Variants in CTNNA3 observed in about 807,000 individuals in gnomAD.
CTNNA3 encodes catenin alpha-3.
In CTNNA3, 76 loss-of-function variants were observed where a neutral mutation model predicts 95.7. That is an observed-to-expected ratio of 0.79 (90% CI 0.66 to 0.96). The LOEUF (loss-of-function observed/expected upper bound fraction) is 0.96. Among genes scored for constraint, CTNNA3 ranks in the 40% least tolerant of loss-of-function variants. The pLI is 0.00. For missense variants in CTNNA3, 1,191 were observed against 1,089.8 expected, an observed-to-expected ratio of 1.09 and a Z score of -1.31; for synonymous variants, 431 against 374.4, an observed-to-expected ratio of 1.15 and a Z score of -1.74.
chr10:67,264,530 C>T (rs1474724698), intron 5 of CTNNA3, among the ~76,000 whole-genome samples: 1 of 152,128 alleles, frequency 6.6e-6, no homozygotes, highest in Non-Finnish European at 1.5e-5. Flanking sequence ...ATTCAAATCA[C>T]TGCCTCCAAA....
upstream of CTNNA3, among the ~76,000 whole-genome samples, chr10:67,699,904 C>A (rs568882394): frequency 6.6e-6 from 1 of 152,200 alleles, no homozygotes; most frequent in Non-Finnish European, 1.5e-5. Context: ...CCTGGAAAAT[C>A]GGGTCACTCC....
At chr10:67,082,914 A>G (rs555384780) in intron 7 of CTNNA3, among the ~76,000 whole-genome samples, 9 of 152,252 alleles carry the variant, frequency 5.9e-5, no homozygotes, top group African/African-American at 2.2e-4. Flanking sequence ...CCCACCTCCT[A>G]TATTAACTAC....
At chr10:66,702,732 AAGTAGTAGT>A (rs3055636) in intron 9 of CTNNA3, among the ~76,000 whole-genome samples, 1 of 134,324 alleles carries the variant, frequency 7.4e-6, no homozygotes, top group African/African-American at 2.9e-5. Context: ...AAAAAAGAAT[AAGTAGTAGT>A]AGTAGTAGTA....
intron 10 of CTNNA3, among the ~76,000 whole-genome samples, chr10:66,591,446 G>A (rs996508198): frequency 6.6e-6 from 1 of 152,070 alleles, no homozygotes; most frequent in South Asian, 2.1e-4. Context: ...CAGCCTGAAG[G>A]CAACATGAGA....
chr10:66,694,855 T>C (rs1847698368), intron 9 of CTNNA3, among the ~76,000 whole-genome samples: 1 of 152,140 alleles, frequency 6.6e-6, no homozygotes. Context: ...AAATGGAAAA[T>C]GCCATTTTTA....
chr10:66,492,835 C>T (rs185888068), intron 11 of CTNNA3, among the ~76,000 whole-genome samples: 86 of 152,210 alleles, frequency 5.7e-4, no homozygotes, highest in Middle Eastern at 3.4e-3. Context: ...TATACTCCAT[C>T]TAGTTTAAAG....
chr10:66,821,365 T>C (rs765729769), intron 7 of CTNNA3, among the ~76,000 whole-genome samples: 11 of 152,252 alleles, frequency 7.2e-5, no homozygotes, highest in African/African-American at 1.2e-4. Flanking sequence ...ATTCTGGCTA[T>C]AAATATCTCA....
rs943990420 is a variant in CTNNA3 at position 66,608,931 on chromosome 10, T to C, written c.1374+12761A>G. 7.2e-5 allele frequency among the ~76,000 whole-genome samples: 11 copies of C among 151,852 alleles called. 1 individual carries two copies. Among genetic ancestry groups the C allele is most frequent in the Non-Finnish European group, 1.5e-4 (10 of 67,954 alleles). On this transcript the variant is annotated intron_variant, in intron 10 of 17. Transcript: ENST00000433211. ...AAGCAATTACAACAAAAGAAAAAAT[T>C]GACAATTGGGATATAATTAAACTAA... is the stretch of plus-strand genomic sequence containing the variant.
chr10:66,184,841 A>G (rs761931733), intron 13 of CTNNA3, among the ~76,000 whole-genome samples: 21 of 152,178 alleles, frequency 1.4e-4, no homozygotes, highest in Non-Finnish European at 2.5e-4. Flanking sequence ...TCCTAACTAC[A>G]TAAGTATTAT....
chr10:66,951,416 C>T (rs1335286691), intron 7 of CTNNA3, among the ~76,000 whole-genome samples: 1 of 152,108 alleles, frequency 6.6e-6, no homozygotes, highest in African/African-American at 2.4e-5. Flanking sequence ...ATGCCCAGCC[C>T]AACACCATAT....
chr10:67,428,074 C>A (rs1045339852), intron 5 of CTNNA3, among the ~76,000 whole-genome samples: 1 of 151,854 alleles, frequency 6.6e-6, no homozygotes, highest in African/African-American at 2.4e-5. Context: ...AAAATAGGAC[C>A]CAATTTTAAA....
intron 15 of CTNNA3, among the ~76,000 whole-genome samples, chr10:66,040,067 C>T (rs2079653792): frequency 6.6e-6 from 1 of 151,994 alleles, no homozygotes; most frequent in Admixed American, 6.6e-5. Flanking sequence ...AGGCAAAGGA[C>T]ATGAACAGAC....
intron 5 of CTNNA3, among the ~76,000 whole-genome samples, chr10:67,491,440 G>T (rs138050757): frequency 1.3e-5 from 2 of 152,226 alleles, no homozygotes; most frequent in African/African-American, 2.4e-5. Flanking sequence ...AAATCCTTTC[G>T]AAACACCATA....
chr10:66,633,616 C>T (rs1845230409), intron 9 of CTNNA3, among the ~76,000 whole-genome samples: 1 of 151,920 alleles, frequency 6.6e-6, no homozygotes, highest in African/African-American at 2.4e-5. Flanking sequence ...GAAGGCAGAG[C>T]TTGCAGTGAG....
At chr10:67,691,206 C>T (rs1840844189) in intron 1 of CTNNA3, among the ~76,000 whole-genome samples, 3 of 152,280 alleles carry the variant, frequency 2.0e-5, no homozygotes, top group East Asian at 3.9e-4. Flanking sequence ...CAATGGTGCC[C>T]AGGCTGGAGT....
At chr10:67,750,268 C>G (rs1181280399) in intron 1 of CTNNA3, 3 of 1,511,088 alleles carry the variant, frequency 2.0e-6, no homozygotes, top group Non-Finnish European at 2.8e-6. Flanking sequence ...CACTCAGAAT[C>G]ATTTCTGCAC....
chr10:67,277,187 A>G (rs530210651), intron 5 of CTNNA3, among the ~76,000 whole-genome samples: 17 of 152,296 alleles, frequency 1.1e-4, no homozygotes, highest in Middle Eastern at 3.4e-3. Context: ...TTAAACTCAT[A>G]ATCCTACATA....
chr10:66,242,999 A>G (rs1175609223), intron 13 of CTNNA3, among the ~76,000 whole-genome samples: 1 of 152,168 alleles, frequency 6.6e-6, no homozygotes, highest in African/African-American at 2.4e-5. Context: ...CCTTTCAGCC[A>G]ATGATGTTCT....
Position 66,507,550 on chromosome 10 carries a change from T to C in CTNNA3, c.1531+13067A>G, listed in dbSNP as rs537213260. On this transcript the variant is annotated intron_variant, in intron 11 of 17. Transcript: ENST00000433211. ...TAATAACCAGAGTTCTACTCTTTAC[T>C]TCCATGAGCTCATTGTTTTGCTCCT... Among the ~76,000 whole-genome samples, 14 of 152,248 alleles carry C rather than the reference T, an allele frequency of 9.2e-5. No homozygotes were observed. The South Asian group carries it at 2.9e-3, about 32-fold the overall frequency.
Sources: allele counts gnomAD v4.1 joint callset (sites outside exome capture counted in the v4.1 genomes callset), GRCh38; gene constraint gnomAD v4.1.1; transcripts MANE v1.5; gene names NCBI Gene and HGNC (gene_info 2026-07-23, HGNC 2026-07-21).